The following RGS5 variants were observed in gnomAD, a reference collection of about 807,000 sequenced individuals.
RGS5 encodes the protein regulator of G-protein signalling 5.
Under a neutral mutation model 18.9 loss-of-function variants are expected in RGS5, and 20 were observed. The ratio of observed to expected loss-of-function variants is 1.06; its 90% CI spans 0.74 to 1.54. The LOEUF (loss-of-function observed/expected upper bound fraction) is 1.54, where lower values mean the gene tolerates loss of function less well. RGS5 is among the 40% of genes most tolerant of loss of function. The pLI, the probability that RGS5 is intolerant of heterozygous loss-of-function variation, is 0.00. For missense variants in RGS5, 201 were observed against 211.8 expected (o/e 0.95, Z 0.32); for synonymous variants, 57 against 76.2 (o/e 0.75, Z 1.31).
chr1:163,302,535 T>G (rs1041243848), intron 2 of RGS5, among the ~76,000 whole-genome samples: 2 of 152,236 alleles, frequency 1.3e-5, no homozygotes, highest in African/African-American at 4.8e-5. Context: ...ATTGTCACCC[T>G]GGATCAGAAA....
At position 163,259,637 on chromosome 1, in the gene RGS5, G is replaced by A. The variant is rs569046952; in HGVS notation, c.-281+46596C>T. ...ATATGATATATAACTCCTAAAAGCT[G>A]GAAGGAGTTATTATCACATAATTTC... On this transcript the variant is annotated intron_variant, in intron 2 of 5. Coordinates refer to the RGS5 transcript ENST00000618415. Among the ~76,000 whole-genome samples, 150 of 152,200 alleles carry A rather than the reference G, an allele frequency of 9.9e-4. 2 individuals carry two copies. Among genetic ancestry groups the A allele is most frequent in the African/African-American group, 3.4e-3 (140 of 41,518 alleles).
chr1:163,165,915 AC>A (rs67562521), intron 2 of RGS5, among the ~76,000 whole-genome samples: 82,316 of 136,782 alleles, frequency 0.6, 24,792 homozygotes, highest in South Asian at 0.74. Context: ...CAAAAAAAAA[AC>A]AAAAAAAAAA....
chr1:163,312,314 A>G (rs1649889846), intron 1 of RGS5, among the ~76,000 whole-genome samples: 1 of 152,224 alleles, frequency 6.6e-6, no homozygotes, highest in Non-Finnish European at 1.5e-5. Flanking sequence ...TTTTCTTTAT[A>G]AATTACTCAG....
intron 3 of RGS5, among the ~76,000 whole-genome samples, chr1:163,159,256 G>T (rs1382555432): frequency 6.6e-6 from 1 of 152,160 alleles, no homozygotes; most frequent in African/African-American, 2.4e-5. Context: ...AGTTTATGAA[G>T]ATTACGGGAT....
intron 1 of RGS5, among the ~76,000 whole-genome samples, chr1:163,177,487 G>T (rs1243631370): frequency 2.0e-5 from 3 of 152,086 alleles, no homozygotes; most frequent in Non-Finnish European, 4.4e-5. Flanking sequence ...TTATGCATAG[G>T]GTGGTCTTGC....
intron 2 of RGS5, among the ~76,000 whole-genome samples, chr1:163,268,155 AG>A (rs1323673453): frequency 6.6e-6 from 1 of 152,042 alleles, no homozygotes; most frequent in Non-Finnish European, 1.5e-5. Context: ...TTTTGCTGGT[AG>A]GGTTATTAGC....
intron 2 of RGS5, among the ~76,000 whole-genome samples, chr1:163,245,611 A>G (rs1647907077): frequency 6.6e-6 from 1 of 152,222 alleles, no homozygotes; most frequent in Non-Finnish European, 1.5e-5. Context: ...TGAGAATGCA[A>G]AAGCAAATCC....
intron 2 of RGS5, among the ~76,000 whole-genome samples, chr1:163,236,758 C>T (rs1004413366): frequency 6.6e-6 from 1 of 152,002 alleles, no homozygotes; most frequent in African/African-American, 2.4e-5. Flanking sequence ...GTCAAGAGAT[C>T]GAGACCATCC....
intron 1 of RGS5, among the ~76,000 whole-genome samples, chr1:163,186,578 CAAAAA>C (rs34092786): frequency 4.2e-5 from 4 of 95,972 alleles, no homozygotes; most frequent in Non-Finnish European, 7.9e-5. Flanking sequence ...GACTCTGTCT[CAAAAA>C]AAAAAAAAAA....
intron 3 of RGS5, among the ~76,000 whole-genome samples, chr1:163,157,754 G>A (rs1657643583): frequency 6.6e-6 from 1 of 152,048 alleles, no homozygotes; most frequent in South Asian, 2.1e-4. Context: ...TAGCAACAGG[G>A]TCTCTCTCTG....
chr1:163,194,600 C>T (rs934118937), intron 1 of RGS5, among the ~76,000 whole-genome samples: 2 of 152,024 alleles, frequency 1.3e-5, no homozygotes, highest in Non-Finnish European at 1.5e-5. Flanking sequence ...TATCTAGTAC[C>T]TTTCCCACAT....
intron 1 of RGS5, among the ~76,000 whole-genome samples, chr1:163,188,905 A>T (rs1271839281): frequency 6.8e-6 from 1 of 146,778 alleles, no homozygotes; most frequent in Non-Finnish European, 1.5e-5. Flanking sequence ...GTGAGCCAAG[A>T]TCGCACCACC....
At chr1:163,286,862 C>T (rs1051570730) in intron 2 of RGS5, among the ~76,000 whole-genome samples, 3 of 152,010 alleles carry the variant, frequency 2.0e-5, no homozygotes, top group African/African-American at 7.3e-5. Flanking sequence ...GTTATTCTAT[C>T]CTTTACTTTC....
intron 1 of RGS5, among the ~76,000 whole-genome samples, chr1:163,197,972 C>A (rs1659634769): frequency 6.6e-6 from 1 of 152,076 alleles, no homozygotes; most frequent in Non-Finnish European, 1.5e-5. Context: ...ATTTATTAAT[C>A]CTGAAAACCC....
intron 2 of RGS5, among the ~76,000 whole-genome samples, chr1:163,243,040 T>C (rs1010165673): frequency 6.6e-6 from 1 of 152,134 alleles, no homozygotes. Context: ...GAAGGAGGCA[T>C]TTACTGCCCA....
intron 2 of RGS5, among the ~76,000 whole-genome samples, chr1:163,227,521 G>T (rs950824799): frequency 6.6e-6 from 1 of 152,100 alleles, no homozygotes; most frequent in Non-Finnish European, 1.5e-5. Flanking sequence ...AAAACATGGG[G>T]ATTATTACAA....
intron 1 of RGS5, among the ~76,000 whole-genome samples, chr1:163,196,697 A>G (rs1659575961): frequency 6.6e-6 from 1 of 152,182 alleles, no homozygotes; most frequent in Non-Finnish European, 1.5e-5. Context: ...CACCTCTTTA[A>G]CAAGGCTTTC....
At chr1:163,281,080 G>T (rs1648979485) in intron 2 of RGS5, among the ~76,000 whole-genome samples, 1 of 152,048 alleles carries the variant, frequency 6.6e-6, no homozygotes, top group Non-Finnish European at 1.5e-5. Context: ...CATGAGACCT[G>T]ATGGTTTTAA....
chr1:163,252,741 A>G (rs922822151), intron 2 of RGS5, among the ~76,000 whole-genome samples: 37 of 152,148 alleles, frequency 2.4e-4, no homozygotes, highest in African/African-American at 8.4e-4. Flanking sequence ...TGTAAAACAA[A>G]TAAGAAGTGA....
Sources: allele counts gnomAD v4.1 joint callset (sites outside exome capture counted in the v4.1 genomes callset), GRCh38; gene constraint gnomAD v4.1.1; transcripts MANE v1.5; gene names NCBI Gene and HGNC (gene_info 2026-07-23, HGNC 2026-07-21).